The following TRAF2 variants were observed in gnomAD, a reference collection of about 807,000 sequenced individuals.
The protein encoded by TRAF2 is TNF receptor-associated factor 2.
TRAF2 carries 6 observed loss-of-function variants against 55.6 expected under a neutral mutation model. That is an observed-to-expected ratio of 0.11 (90% CI 0.06 to 0.21). The LOEUF is 0.21. Ranked by LOEUF, TRAF2 falls within the 10% of genes least tolerant of loss-of-function variation. TRAF2 has a pLI of 1.00. For synonymous variants in TRAF2, 329 were observed against 276.3 expected (o/e 1.19, Z -1.89); for missense variants, 561 against 684.5 (o/e 0.82, Z 2.01).
At chr9:136,911,474 G>A (rs1850105606) in intron 6 of TRAF2, among the ~76,000 whole-genome samples, 1 of 152,120 alleles carries the variant, frequency 6.6e-6, no homozygotes, top group Non-Finnish European at 1.5e-5. Flanking sequence ...ATGTTGGTCA[G>A]TCTGGTTCTT....
At chr9:136,882,357 A>G (rs1312104033), upstream of TRAF2, among the ~76,000 whole-genome samples, 1 of 152,200 alleles carries the variant, frequency 6.6e-6, no homozygotes, top group Non-Finnish European at 1.5e-5. Context: ...CTGCAGGCCC[A>G]GTAGGTAGCT....
At position 136,926,061 on chromosome 9, in the gene TRAF2, G is replaced by T; in HGVS notation, c.*160G>T. On this transcript the variant is annotated 3_prime_UTR_variant, in exon 11 of 11. Coordinates refer to ENST00000247668, the MANE Select transcript of TRAF2 (RefSeq NM_021138.4). ...TGCAGCCAAGTTCACTGTCACGGGG[G>T]AAGGAGCCACCAGCCAGTCCTCAGA... The T allele has an allele frequency of 1.1e-6, 1 of 888,714 alleles. No homozygotes were observed. Among genetic ancestry groups the T allele is most frequent in the Non-Finnish European group, 1.9e-6 (1 of 537,834 alleles). 55.1% of individuals were successfully genotyped at this position (888,714 alleles called of 1,614,324 possible). A position where few individuals can be genotyped will look rare whatever the true frequency, so the allele number is the denominator to read the frequency against.
chr9:136,889,958 C>A (rs62582063), intron 1 of TRAF2, among the ~76,000 whole-genome samples: 1 of 149,608 alleles, frequency 6.7e-6, no homozygotes, highest in Non-Finnish European at 1.5e-5. Context: ...AGAGTCCCCA[C>A]CGCACGCTCG....
At chr9:136,912,961 C>T (rs1400021568) in intron 6 of TRAF2, among the ~76,000 whole-genome samples, 2 of 152,212 alleles carry the variant, frequency 1.3e-5, no homozygotes, top group Admixed American at 6.5e-5. Flanking sequence ...GGCAAAACCC[C>T]TTCTCTACTA....
chr9:136,916,622 CGGG>C lies in TRAF2; in HGVS notation c.678+11_678+13del, dbSNP rs1181454231. ...CATCGGCTGCCTCGAGACGGTGAGT[CGGG>C]GGGTCTGAGGTTGGGGGCCACCCCT... is the stretch of plus-strand genomic sequence containing the variant. On this transcript the variant is annotated splice_region_variant and intron_variant, in intron 7 of 10. Transcript: ENST00000247668. 11 of 1,613,510 alleles carry C rather than the reference CGGG, an allele frequency of 6.8e-6. No individual in the cohort carries two copies. The East Asian group carries it at 2.5e-4, about 36-fold the overall frequency.
At chr9:136,888,000 G>A (rs1215853415) in intron 1 of TRAF2, among the ~76,000 whole-genome samples, 1 of 151,998 alleles carries the variant, frequency 6.6e-6, no homozygotes, top group Non-Finnish European at 1.5e-5. Context: ...CTCCCGAGCA[G>A]CTGGGATTAC....
At chr9:136,887,776 G>C (rs1027359541) in intron 1 of TRAF2, among the ~76,000 whole-genome samples, 5 of 152,136 alleles carry the variant, frequency 3.3e-5, no homozygotes, top group Non-Finnish European at 5.9e-5. Context: ...TGATACTTTT[G>C]TATAAACAGT....
intron 7 of TRAF2, among the ~76,000 whole-genome samples, chr9:136,916,895 G>A (rs1042719419): frequency 1.3e-5 from 2 of 152,126 alleles, no homozygotes; most frequent in Non-Finnish European, 1.5e-5. Flanking sequence ...GCCTCCCTGG[G>A]TGTTGAGTGC....
intron 1 of TRAF2, among the ~76,000 whole-genome samples, chr9:136,895,951 G>A (rs573243750): frequency 5.3e-5 from 8 of 151,450 alleles, no homozygotes; most frequent in Non-Finnish European, 7.4e-5. Flanking sequence ...TCTGGAGGCC[G>A]CCCTCCACCC....
chr9:136,898,674 C>A, intron 1 of TRAF2, 39 bp from the exon 2 acceptor site: 1 of 1,605,410 alleles, frequency 6.2e-7, no homozygotes, highest in South Asian at 1.1e-5. Context: ...GAGGACTGTT[C>A]TGGAATTGAG....
At chr9:136,894,093 C>G (rs866875440) in intron 1 of TRAF2, among the ~76,000 whole-genome samples, 4 of 134,124 alleles carry the variant, frequency 3.0e-5, no homozygotes, top group Non-Finnish European at 6.1e-5. Context: ...ATCGCCCAGG[C>G]TGGAGTGAAG....
chr9:136,917,675 G>A (rs1850274561), intron 7 of TRAF2, among the ~76,000 whole-genome samples: 1 of 152,242 alleles, frequency 6.6e-6, no homozygotes, highest in African/African-American at 2.4e-5. Context: ...GGTAGAGTCA[G>A]TTGCTGACTT....
chr9:136,924,059 C>T (rs1850462955), intron 10 of TRAF2, 59 bp downstream of exon 10: 2 of 1,590,644 alleles, frequency 1.3e-6, no homozygotes, highest in South Asian at 1.1e-5. Context: ...CTGGGCAGTG[C>T]AGCTTCTGTG....
chr9:136,882,838 C>T, upstream of TRAF2: 6 of 666,348 alleles, frequency 9.0e-6, no homozygotes, highest in African/African-American at 2.0e-5. Context: ...CTCAGTCAGG[C>T]TGGTATCAAC....
intron 6 of TRAF2, among the ~76,000 whole-genome samples, chr9:136,913,647 G>A (rs1054950494): frequency 1.2e-4 from 19 of 152,082 alleles, no homozygotes; most frequent in African/African-American, 4.6e-4. Flanking sequence ...TTGAGTTTAT[G>A]TCAGCTGTGG....
chr9:136,900,535 G>C lies in TRAF2; in HGVS notation c.366+15G>C. 1 of 1,605,344 alleles carries C rather than the reference G, an allele frequency of 6.2e-7. No individual in the cohort carries two copies. The highest frequency in any genetic ancestry group is 8.5e-7 in the Non-Finnish European group (1 of 1,172,176). On this transcript the variant is annotated intron_variant, in intron 4 of 10. Coordinates refer to ENST00000247668, the MANE Select transcript of TRAF2 (RefSeq NM_021138.4). Reference sequence around the variant, plus strand: ...AAGAATACGAGGTAAAGATGCCTGCGTGTGGCATGGTGACAGAAGCTCCAG... The same window carrying C: ...AAGAATACGAGGTAAAGATGCCTGCCTGTGGCATGGTGACAGAAGCTCCAG...
At chr9:136,897,635 GC>G (rs1849711734) in intron 1 of TRAF2, among the ~76,000 whole-genome samples, 1 of 144,272 alleles carries the variant, frequency 6.9e-6, no homozygotes, top group African/African-American at 2.6e-5. Flanking sequence ...GCACTAGGCA[GC>G]CCCAGGTGTG....
chr9:136,923,667 T>G (rs1048714475), intron 9 of TRAF2, among the ~76,000 whole-genome samples, 185 bp from the exon 10 acceptor site: 4 of 147,854 alleles, frequency 2.7e-5, no homozygotes, highest in African/African-American at 5.0e-5. Context: ...TTTTTTGTAA[T>G]GAAATTTGTT....
intron 1 of TRAF2, among the ~76,000 whole-genome samples, chr9:136,889,256 C>A (rs1208953909): frequency 7.3e-6 from 1 of 136,532 alleles, no homozygotes; most frequent in South Asian, 2.3e-4. Context: ...CTCGCTCTGT[C>A]CCCCGGTGTG....
Sources: allele counts gnomAD v4.1 joint callset (sites outside exome capture counted in the v4.1 genomes callset), GRCh38; gene constraint gnomAD v4.1.1; transcripts MANE v1.5; gene names NCBI Gene and HGNC (gene_info 2026-07-23, HGNC 2026-07-21).